The following GNAS variants were observed in gnomAD, a reference collection of about 807,000 sequenced individuals.
The protein encoded by GNAS is protein ALEX.
In GNAS, 8 loss-of-function variants were observed where a neutral mutation model predicts 54.5. The ratio of observed to expected loss-of-function variants is 0.15; its 90% confidence interval spans 0.09 to 0.26. The LOEUF (loss-of-function observed/expected upper bound fraction) is 0.26, where lower values mean the gene tolerates loss of function less well. Ranked by LOEUF, GNAS falls within the 10% of genes least tolerant of loss-of-function variation. The probability of loss-of-function intolerance (pLI) is 1.00; values close to 1 mark genes in which losing one functional copy is unlikely to be tolerated. For synonymous variants in GNAS, 204 were observed against 191.4 expected, an observed-to-expected ratio of 1.07 and a Z score of -0.54; for missense variants, 170 against 529.8, an observed-to-expected ratio of 0.32 and a Z score of 6.67.
rs747005037 is a variant in GNAS at position 58,854,016 on chromosome 20, G to C, written c.43+13130G>C. ...TTCCCGAGTTATCGCACAAGTCGAC[G>C]GCAGCAGCCAGTTCGCGGCAGTCGC... On this transcript the variant is annotated intron_variant, in intron 1 of 12. Transcript: ENST00000306090. The C allele has an allele frequency of 3.1e-6, 5 of 1,611,576 alleles. No individual in the cohort carries two copies. In the South Asian group the frequency reaches 3.3e-5, roughly 11 times the overall value.
In GNAS at chr20:58,854,691, G is replaced by A. The variant is rs541040198; in HGVS notation, c.43+13805G>A. Reference sequence around the variant, plus strand: ...CGGGGCGGCCCCTGAGGCTCCCGCCGCCCCTGCGGCTGCTGAGACCCGGGC... The same window carrying A: ...CGGGGCGGCCCCTGAGGCTCCCGCCACCCCTGCGGCTGCTGAGACCCGGGC... On this transcript the variant is annotated intron_variant, in intron 1 of 12. Transcript: ENST00000306090. 4.6e-6 allele frequency: 7 copies of A among 1,528,418 alleles called. No individual in the cohort carries two copies. The African/African-American group carries it at 6.9e-5, about 15-fold the overall frequency. 94.7% of individuals were successfully genotyped at this position (1,528,418 alleles called of 1,614,324 possible).
rs1569029241 is a variant in GNAS at position 58,909,651 on chromosome 20, C to T, written c.719-33C>T. 1 of 1,614,170 alleles carries T rather than the reference C, an allele frequency of 6.2e-7. No individual in the cohort carries two copies. The highest frequency in any genetic ancestry group is 8.5e-7 in the Non-Finnish European group (1 of 1,180,010). On this transcript the variant is annotated intron_variant, in intron 9 of 12. Coordinates refer to ENST00000371085, the MANE Select transcript of GNAS (RefSeq NM_000516.7). The surrounding 1 kb of genome is among the most constrained non-coding windows in gnomAD (Gnocchi z 7.3). ...GTGTTGTTAGGGATCAGGGTCGCTGCTCACGCTCTTGGCTTTGCTCTCTTT... is the reference window on the plus strand; with the variant it reads ...GTGTTGTTAGGGATCAGGGTCGCTGTTCACGCTCTTGGCTTTGCTCTCTTT...
intron 3 of GNAS, among the ~76,000 whole-genome samples, chr20:58,900,782 C>G (rs1166084437): frequency 6.6e-6 from 1 of 152,146 alleles, no homozygotes; most frequent in East Asian, 1.9e-4. Context: ...AACCCGCCAA[C>G]CCCCAGTATA....
intron 3 of GNAS, among the ~76,000 whole-genome samples, chr20:58,899,720 CCA>C (rs1483585169): frequency 6.6e-6 from 1 of 151,786 alleles, no homozygotes; most frequent in Non-Finnish European, 1.5e-5. Context: ...GCACACACAG[CCA>C]CACGCGCCGC....
chr20:58,892,817 T>A (rs1186989143), intron 1 of GNAS, among the ~76,000 whole-genome samples: 1 of 151,748 alleles, frequency 6.6e-6, no homozygotes, highest in Non-Finnish European at 1.5e-5. Flanking sequence ...TTTTTCCCCT[T>A]CCAGACTTGC....
intron 1 of GNAS, chr20:58,892,202 G>C (rs1413527254): frequency 1.0e-6 from 1 of 977,868 alleles, no homozygotes; most frequent in Non-Finnish European, 1.2e-6. Flanking sequence ...ACGACGCCAG[G>C]GGTTTGGGTG....
upstream of GNAS, among the ~76,000 whole-genome samples, chr20:58,890,281 A>C (rs1386418925): frequency 7.9e-5 from 12 of 150,944 alleles, no homozygotes; most frequent in Admixed American, 5.3e-4. Flanking sequence ...GCCGCCGACG[A>C]CGACGAGGGC....
upstream of GNAS, among the ~76,000 whole-genome samples, chr20:58,891,078 G>C (rs2089195419): frequency 6.7e-6 from 1 of 149,936 alleles, no homozygotes; most frequent in Admixed American, 6.6e-5. Context: ...CACTGGCGCG[G>C]AGACGCCCCC....
chr20:58,884,290 T>C (rs1385781498), intron 1 of GNAS: 1 of 152,254 alleles, frequency 6.6e-6, no homozygotes, highest in Admixed American at 6.5e-5. Context: ...ATTGCCTGAT[T>C]AATCCAGTGT....
At chr20:58,903,336 T>G in intron 3 of GNAS, 195 bp from the exon 4 acceptor site, 1 of 674,932 alleles carries the variant, frequency 1.5e-6, no homozygotes, top group East Asian at 2.7e-5. Flanking sequence ...ATTGGGCGTG[T>G]CCTCAGGGCA....
At chr20:58,907,535 G>A (rs73915944) in intron 6 of GNAS, among the ~76,000 whole-genome samples, 97 of 152,306 alleles carry the variant, frequency 6.4e-4, no homozygotes, top group African/African-American at 2.3e-3. Context: ...TGAATGCTGG[G>A]GGGGCAGGGA....
intron 1 of GNAS, among the ~76,000 whole-genome samples, chr20:58,892,786 G>A (rs1210131972): frequency 6.6e-6 from 1 of 151,952 alleles, no homozygotes; most frequent in East Asian, 1.9e-4. Context: ...CAAATGACAC[G>A]TCATTTTACA....
At chr20:58,899,918 T>G in intron 3 of GNAS, 2 of 717,956 alleles carry the variant, frequency 2.8e-6, no homozygotes, top group Non-Finnish European at 5.2e-6. Flanking sequence ...ACAAAGTAAC[T>G]GACACATGTT....
At chr20:58,846,142 AC>A (rs111509025) in intron 1 of GNAS, among the ~76,000 whole-genome samples, 149 of 152,184 alleles carry the variant, frequency 9.8e-4, no homozygotes, top group African/African-American at 3.4e-3. Context: ...AGATAAGAGA[AC>A]CCCTGGGAAG....
At chr20:58,839,859 C>A (rs1600653163), upstream of GNAS, 1 of 596,646 alleles carries the variant, frequency 1.7e-6, no homozygotes, top group Non-Finnish European at 3.0e-6. Flanking sequence ...ACAGAACTTT[C>A]CCCTTTTTTC....
rs186930843 is a variant in GNAS at position 58,860,579 on chromosome 20, C to G, written c.43+19693C>G. Among the ~76,000 whole-genome samples, 25 of 152,060 alleles carry G rather than the reference C, an allele frequency of 1.6e-4. 1 individual carries two copies. ...TTTTTTTTAAAAGTATGCCTTACTT[C>G]TAGTCCAGGCTAATTTCCATTTAGC... On this transcript the variant is annotated intron_variant, in intron 1 of 12. Coordinates refer to the GNAS transcript ENST00000306090.
At chr20:58,888,171 T>C (rs927093666), upstream of GNAS, among the ~76,000 whole-genome samples, 3 of 152,140 alleles carry the variant, frequency 2.0e-5, no homozygotes, top group Non-Finnish European at 4.4e-5. Context: ...AAAGAAAAAG[T>C]TGGAAGACAG....
intron 1 of GNAS, among the ~76,000 whole-genome samples, chr20:58,870,930 G>A (rs2087401088): frequency 6.6e-6 from 1 of 152,194 alleles, no homozygotes; most frequent in African/African-American, 2.4e-5. Flanking sequence ...TCACCCTGCT[G>A]TGATTTTACT....
intron 1 of GNAS, among the ~76,000 whole-genome samples, chr20:58,868,610 G>A (rs1568943618): frequency 6.6e-6 from 1 of 152,196 alleles, no homozygotes; most frequent in Non-Finnish European, 1.5e-5. Context: ...GTTGAAGAAA[G>A]GGGGCTCATC....
Sources: allele counts gnomAD v4.1 joint callset (sites outside exome capture counted in the v4.1 genomes callset), GRCh38; gene constraint gnomAD v4.1.1; non-coding constraint Gnocchi (gnomAD v3.1); transcripts MANE v1.5; gene names NCBI Gene and HGNC (gene_info 2026-07-23, HGNC 2026-07-21).